Variants in FHIT observed in about 807,000 individuals in gnomAD.
FHIT encodes the protein bis(5'-adenosyl)-triphosphatase.
Under a neutral mutation model 17.9 loss-of-function variants are expected in FHIT, and 19 were observed. The ratio of observed to expected loss-of-function variants is 1.06; its 90% CI spans 0.74 to 1.56. FHIT has a LOEUF of 1.56. Among genes scored for constraint, FHIT ranks in the 40% most tolerant of loss-of-function variants. The pLI is 0.00. For synonymous variants in FHIT, 81 were observed against 69.7 expected (o/e 1.16, Z -0.81); for missense variants, 248 against 189.2 (o/e 1.31, Z -1.82).
intron 3 of FHIT, among the ~76,000 whole-genome samples, chr3:60,927,440 C>T (rs544875582): frequency 9.2e-5 from 14 of 152,270 alleles, no homozygotes; most frequent in East Asian, 7.7e-4. Flanking sequence ...TCTGCCCAGC[C>T]GCCAATCATC....
At chr3:59,844,119 A>T (rs1701630476) in intron 8 of FHIT, among the ~76,000 whole-genome samples, 1 of 152,146 alleles carries the variant, frequency 6.6e-6, no homozygotes, top group South Asian at 2.1e-4. Context: ...AGCCAAACAG[A>T]TATTGGCACC....
intron 4 of FHIT, among the ~76,000 whole-genome samples, chr3:60,554,098 A>G (rs945520360): frequency 1.3e-5 from 2 of 152,168 alleles, no homozygotes; most frequent in South Asian, 2.1e-4. Flanking sequence ...TCTCAAAAAA[A>G]GAAAAAAAAC....
rs564840039 is a variant in FHIT at position 60,524,700 on chromosome 3, A to T, written c.103+12160T>A. Among the ~76,000 whole-genome samples the T allele has an allele frequency of 2.1e-5, 3 of 142,530 alleles. No individual in the cohort carries two copies. In the East Asian group the frequency reaches 6.6e-4, roughly 31 times the overall value. 93.5% of individuals were successfully genotyped at this position (142,530 alleles called of 152,430 possible). A position where few individuals can be genotyped will look rare whatever the true frequency, so the allele number is the denominator to read the frequency against. On this transcript the variant is annotated intron_variant, in intron 5 of 9. Coordinates refer to ENST00000492590, the MANE Select transcript of FHIT (RefSeq NM_002012.4). Reference sequence around the variant, plus strand: ...TTCTGATGGCTGTCAGCATTCCTTGACTTGTGACCACATCACTCCAGTCTG... The same window carrying T: ...TTCTGATGGCTGTCAGCATTCCTTGTCTTGTGACCACATCACTCCAGTCTG...
At chr3:59,751,849 G>C in intron 9 of FHIT, 1 of 222,870 alleles carries the variant, frequency 4.5e-6, no homozygotes, top group East Asian at 6.3e-5. Flanking sequence ...TGAGCCTAAG[G>C]GCCATGTCAC....
intron 3 of FHIT, among the ~76,000 whole-genome samples, chr3:60,858,139 T>A (rs1475662116): frequency 6.6e-6 from 1 of 152,148 alleles, no homozygotes; most frequent in African/African-American, 2.4e-5. Flanking sequence ...ATGGTGTGTA[T>A]GCAATGAACA....
At chr3:59,759,034 G>A (rs1372081907) in intron 8 of FHIT, among the ~76,000 whole-genome samples, 1 of 152,036 alleles carries the variant, frequency 6.6e-6, no homozygotes. Context: ...GGTAGGGCAG[G>A]CTTTTAAAGG....
intron 8 of FHIT, among the ~76,000 whole-genome samples, chr3:59,759,655 G>A (rs1424078602): frequency 1.3e-5 from 2 of 152,112 alleles, no homozygotes; most frequent in Non-Finnish European, 2.9e-5. Context: ...CATTCTGATT[G>A]AGTCATATTT....
Position 60,027,136 on chromosome 3 carries a change from C to CAAAA in FHIT, c.104-12985_104-12984insTTTT, listed in dbSNP as rs1404321876. Among the ~76,000 whole-genome samples, 95 of 118,614 alleles carry CAAAA rather than the reference C, an allele frequency of 8.0e-4. 2 individuals carry two copies. Among genetic ancestry groups the CAAAA allele is most frequent in the South Asian group, 5.1e-3 (19 of 3,710 alleles). The allele number at this position is 118,614 out of a possible 152,430, so 77.8% of individuals were successfully genotyped here. A position where few individuals can be genotyped will look rare whatever the true frequency, so the allele number is the denominator to read the frequency against. ...ACACACACACACACACACACACACA[C>CAAAA]ACACACACACACAAAATTAGTAAAC... On this transcript the variant is annotated intron_variant, in intron 5 of 9. Coordinates refer to ENST00000492590, the MANE Select transcript of FHIT (RefSeq NM_002012.4).
intron 5 of FHIT, among the ~76,000 whole-genome samples, chr3:60,388,653 C>A (rs113156305): frequency 1.3e-5 from 2 of 152,146 alleles, no homozygotes; most frequent in Non-Finnish European, 2.9e-5. Flanking sequence ...TCTGAGAAGA[C>A]AGAAAATATT....
Position 60,810,464 on chromosome 3 carries a change from T to C in FHIT, c.-18+11455A>G, listed in dbSNP as rs540821916. ...ACAACCTGAAGAAACCCACAGTGCA[T>C]GATTTAATGAGCATATACTGTGTGC... On this transcript the variant is annotated intron_variant, in intron 4 of 9. Coordinates refer to ENST00000492590, the MANE Select transcript of FHIT (RefSeq NM_002012.4). Among the ~76,000 whole-genome samples the C allele has an allele frequency of 2.6e-5, 4 of 152,318 alleles. No individual in the cohort carries two copies. In the South Asian group the frequency reaches 8.3e-4, roughly 32 times the overall value.
At chr3:60,672,874 C>CGTGTGT (rs71629109) in intron 4 of FHIT, among the ~76,000 whole-genome samples, 2,692 of 139,530 alleles carry the variant, frequency 0.019, 39 homozygotes, top group African/African-American at 0.032. Context: ...CTCTTTGTAG[C>CGTGTGT]GTGTGTGTGT....
chr3:60,597,529 A>G (rs1378008127), intron 4 of FHIT, among the ~76,000 whole-genome samples: 1 of 152,112 alleles, frequency 6.6e-6, no homozygotes, highest in Non-Finnish European at 1.5e-5. Flanking sequence ...ATGTAAGAAA[A>G]TAATCACCAT....
At chr3:61,122,168 T>A (rs919366811) in intron 2 of FHIT, among the ~76,000 whole-genome samples, 1 of 152,010 alleles carries the variant, frequency 6.6e-6, no homozygotes, top group Non-Finnish European at 1.5e-5. Context: ...TATAGACCAA[T>A]GGAACAGAAC....
intron 5 of FHIT, among the ~76,000 whole-genome samples, chr3:60,310,122 C>T (rs538006821): frequency 6.6e-6 from 1 of 152,250 alleles, no homozygotes; most frequent in South Asian, 2.1e-4. Flanking sequence ...TCCCACATTT[C>T]TCTGCCGTGG....
chr3:60,897,099 G>T (rs1553762138), intron 3 of FHIT, among the ~76,000 whole-genome samples: 3 of 152,056 alleles, frequency 2.0e-5, no homozygotes. Flanking sequence ...AATATCTTCT[G>T]GTGATCACTC....
intron 5 of FHIT, among the ~76,000 whole-genome samples, chr3:60,179,750 C>G (rs1553705273): frequency 1.3e-5 from 2 of 152,106 alleles, no homozygotes; most frequent in Non-Finnish European, 2.9e-5. Flanking sequence ...GCATCTGGCC[C>G]CAGCTAGAAC....
intron 5 of FHIT, among the ~76,000 whole-genome samples, chr3:60,370,040 C>T (rs778425140): frequency 3.9e-5 from 6 of 152,066 alleles, no homozygotes; most frequent in South Asian, 2.1e-4. Flanking sequence ...CAAAAGTATC[C>T]GCTATAGGAG....
intron 8 of FHIT, among the ~76,000 whole-genome samples, chr3:59,856,657 AC>A (rs1478647464): frequency 6.6e-6 from 1 of 152,240 alleles, no homozygotes; most frequent in Non-Finnish European, 1.5e-5. Context: ...TTTGGAATGT[AC>A]CATTTTTCTA....
intron 3 of FHIT, among the ~76,000 whole-genome samples, chr3:60,834,271 T>C (rs1702442213): frequency 6.6e-6 from 1 of 152,256 alleles, no homozygotes; most frequent in African/African-American, 2.4e-5. Flanking sequence ...GAATTTGTTG[T>C]TATCATTATC....
Sources: gnomAD v4.1 joint callset for allele counts (sites outside exome capture counted in the v4.1 genomes callset) on GRCh38, gnomAD v4.1.1 for gene constraint, MANE v1.5 for transcripts, NCBI Gene and HGNC (gene_info 2026-07-23, HGNC 2026-07-21) for gene names.